CFH: variants seen among roughly 807,000 people sequenced by gnomAD.
CFH encodes complement factor H, also known as H factor 1 (complement).
Under a neutral mutation model 147.3 loss-of-function variants are expected in CFH, and 53 were observed. That is an observed-to-expected ratio of 0.36 (90% CI 0.29 to 0.45). CFH has a LOEUF of 0.45. Among genes scored for constraint, CFH ranks in the 20% least tolerant of loss-of-function variants. The pLI is 1.00. For missense variants in CFH, 1,380 were observed against 1,498.0 expected (o/e 0.92, Z 1.30); for synonymous variants, 536 against 489.4 (o/e 1.10, Z -1.26).
intron 1 of CFH, among the ~76,000 whole-genome samples, chr1:196,657,995 C>T (rs1292236049): frequency 6.6e-6 from 1 of 151,840 alleles, no homozygotes; most frequent in South Asian, 2.1e-4. Flanking sequence ...GTAATTAGTT[C>T]TATGTTTGTA....
rs763377571 is a variant in CFH, at chr1:196,737,528, T to C, written c.2650T>C (p.Ser884Pro). 4.0e-5 allele frequency: 65 copies of C among 1,613,274 alleles called. No individual in the cohort carries two copies. Among genetic ancestry groups the C allele is most frequent in the Non-Finnish European group, 5.3e-5 (63 of 1,179,576 alleles). Residue 884 changes from serine to proline, a missense_variant, in exon 17 of 22, where the codon TCC (serine) becomes CCC (proline). Coordinates refer to ENST00000367429, the MANE Select transcript of CFH (RefSeq NM_000186.4). The part of the protein sequence containing the change: ...PQIEHGTINS[S>P]RSSQESYAHG... ...GATAGAACACGGAACCATTAATTCA[T>C]CCAGGTCTTCACAAGAAAGTTATGC...
At position 196,722,240 on chromosome 1, in the gene CFH, C is replaced by A. The variant is rs985424648; in HGVS notation, c.1697-2881C>A. ...GGATCATTTCTTGTGGGGTGAATTC[C>A]TAAAGTGGATTTCTAGTGGTGATGA... On this transcript the variant is annotated intron_variant, in intron 11 of 21. Coordinates refer to ENST00000367429, the MANE Select transcript of CFH (RefSeq NM_000186.4). Among the ~76,000 whole-genome samples, 5 of 151,998 alleles carry A rather than the reference C, an allele frequency of 3.3e-5. No individual in the cohort carries two copies. The East Asian group carries it at 9.6e-4, about 29-fold the overall frequency.
chr1:196,653,875 GTATTTAAAGCAA>G (rs1427527985), intron 1 of CFH, among the ~76,000 whole-genome samples: 1 of 152,034 alleles, frequency 6.6e-6, no homozygotes, highest in Non-Finnish European at 1.5e-5. Flanking sequence ...GCACAACTTT[GTATTTAAAGCAA>G]TGCTTAGGCC....
chr1:196,704,559 C>T (rs578231223), intron 9 of CFH, among the ~76,000 whole-genome samples: 5 of 152,178 alleles, frequency 3.3e-5, no homozygotes, highest in Non-Finnish European at 7.3e-5. Flanking sequence ...AGAGATACTC[C>T]AAAAGGTTAG....
intron 6 of CFH, among the ~76,000 whole-genome samples, chr1:196,684,410 A>G (rs1372451012): frequency 6.6e-6 from 1 of 152,010 alleles, no homozygotes; most frequent in Non-Finnish European, 1.5e-5. Flanking sequence ...TTAAGACTGA[A>G]GTTTATTTTC....
Position 196,745,884 on chromosome 1 carries a change from A to G in CFH, c.3378A>G (p.Ser1126=). Residue 1126 remains serine, a synonymous_variant, in exon 21 of 22, where the codon TCA becomes TCG. Transcript: ENST00000367429. ...GGGACATTACTTCATTCCCGTTGTC[A>G]GTATATGCTCCAGCTTCATCAGTTG... The part of the protein sequence containing the change: ...DNGDITSFPL[S]VYAPASSVEY... 1 of 1,614,184 alleles carries G rather than the reference A, an allele frequency of 6.2e-7. No homozygotes were observed. The highest frequency in any genetic ancestry group is 8.5e-7 in the Non-Finnish European group (1 of 1,180,036).
chr1:196,678,278 C>A (rs1211904021), intron 5 of CFH: 1 of 153,508 alleles, frequency 6.5e-6, no homozygotes, highest in Non-Finnish European at 1.4e-5. Flanking sequence ...TTATAGTAAA[C>A]TGTAAGCCAG....
intron 6 of CFH, among the ~76,000 whole-genome samples, chr1:196,682,364 G>A (rs971939686): frequency 1.4e-4 from 21 of 151,650 alleles, no homozygotes; most frequent in African/African-American, 3.6e-4. Context: ...GTACAGGTTC[G>A]GGCAATGTTT....
At chr1:196,693,329 T>C (rs10922096) in intron 9 of CFH, among the ~76,000 whole-genome samples, 64,510 of 151,848 alleles carry the variant, frequency 0.42, 15,551 homozygotes, top group East Asian at 0.87. Context: ...AATATCAATT[T>C]CTCTTGACTT....
intron 1 of CFH, among the ~76,000 whole-genome samples, chr1:196,670,359 G>T (rs1667236196): frequency 6.6e-6 from 1 of 152,008 alleles, no homozygotes; most frequent in South Asian, 2.1e-4. Flanking sequence ...AGAATAATAT[G>T]GTTAGGCTCT....
intron 1 of CFH, among the ~76,000 whole-genome samples, chr1:196,667,389 T>G (rs1007543839): frequency 6.6e-6 from 1 of 152,182 alleles, no homozygotes; most frequent in African/African-American, 2.4e-5. Flanking sequence ...TCAGACACAT[T>G]TGCAATTATT....
chr1:196,737,599 A>G lies in CFH; in HGVS notation c.2721A>G (p.Ile907Met). 2 of 1,613,498 alleles carry G rather than the reference A, an allele frequency of 1.2e-6. No individual in the cohort carries two copies. Among genetic ancestry groups the G allele is most frequent in the Non-Finnish European group, 1.7e-6 (2 of 1,179,636 alleles). Reference sequence around the variant, plus strand: ...ATACTTGTGAGGGTGGTTTCAGGATATCTGAAGAAAATGAAACAACATGCT... The same window carrying G: ...ATACTTGTGAGGGTGGTTTCAGGATGTCTGAAGAAAATGAAACAACATGCT... ...LSYTCEGGFR[I>M]SEENETTCYM... Residue 907 changes from isoleucine to methionine, a missense_variant, in exon 17 of 22, where the codon ATA becomes ATG. Physicochemically the swap from Ile to Met is conservative, Grantham distance 10 (BLOSUM62 1). Coordinates refer to ENST00000367429, the MANE Select transcript of CFH (RefSeq NM_000186.4).
At chr1:196,686,920 C>T (rs933808897) in intron 7 of CFH, among the ~76,000 whole-genome samples, 6 of 152,018 alleles carry the variant, frequency 3.9e-5, no homozygotes, top group African/African-American at 1.4e-4. Context: ...ACTTTATTCT[C>T]AGGCCTGCTT....
intron 15 of CFH, 143 bp from the exon 16 acceptor site, chr1:196,736,681 G>C: frequency 6.5e-6 from 2 of 308,450 alleles, no homozygotes; most frequent in Non-Finnish European, 1.1e-5. Context: ...TAATTAATAT[G>C]TGATAATTTA....
intron 21 of CFH, among the ~76,000 whole-genome samples, chr1:196,746,389 T>C (rs950459347): frequency 6.6e-6 from 1 of 152,182 alleles, no homozygotes; most frequent in African/African-American, 2.4e-5. Context: ...AGGCGGAGGT[T>C]GCAGTGAGCC....
chr1:196,692,622 T>C (rs1668075291), intron 9 of CFH, among the ~76,000 whole-genome samples: 1 of 150,010 alleles, frequency 6.7e-6, no homozygotes, highest in Admixed American at 6.7e-5. Flanking sequence ...CTTTCTTTCA[T>C]TCTTTTTTCT....
At chr1:196,703,122 A>C (rs1323953682) in intron 9 of CFH, among the ~76,000 whole-genome samples, 2 of 152,210 alleles carry the variant, frequency 1.3e-5, no homozygotes, top group Non-Finnish European at 2.9e-5. Context: ...AAAGAGTGGA[A>C]AATAAAACAC....
intron 6 of CFH, among the ~76,000 whole-genome samples, chr1:196,683,034 G>A (rs975675820): frequency 2.0e-5 from 3 of 151,372 alleles, no homozygotes; most frequent in African/African-American, 7.3e-5. Flanking sequence ...GTAGTATAGA[G>A]AAGAAGTAGA....
At chr1:196,725,428 A>G (rs1669112993) in intron 12 of CFH, 131 bp downstream of exon 12, 2 of 827,090 alleles carry the variant, frequency 2.4e-6, no homozygotes, top group Non-Finnish European at 4.0e-6. Flanking sequence ...CCTGTGAAGG[A>G]CATGTATTGA....
Sources: allele counts gnomAD v4.1 joint callset (sites outside exome capture counted in the v4.1 genomes callset), GRCh38; gene constraint gnomAD v4.1.1; transcripts MANE v1.5; gene names NCBI Gene and HGNC (gene_info 2026-07-23, HGNC 2026-07-21).